Variants in RAB2A observed in about 807,000 individuals in gnomAD.
RAB2A encodes ras-related protein Rab-2A.
Under a neutral mutation model 32.5 loss-of-function variants are expected in RAB2A, and 7 were observed. The observed-to-expected ratio is 0.22, with a 90% confidence interval of 0.12 to 0.40. The LOEUF (loss-of-function observed/expected upper bound fraction) is 0.40, where lower values mean the gene tolerates loss of function less well. RAB2A is among the 10% of genes least tolerant of loss of function. The pLI is 1.00. For synonymous variants in RAB2A, 79 were observed against 85.2 expected (o/e 0.93, Z 0.40); for missense variants, 108 against 260.7 (o/e 0.41, Z 4.03).
chr8:60,607,537 G>A (rs1254018878), intron 6 of RAB2A, among the ~76,000 whole-genome samples: 10 of 150,766 alleles, frequency 6.6e-5, no homozygotes, highest in Admixed American at 4.6e-4. Context: ...TCGGCCTCCC[G>A]AAGTGCTGGG....
intron 3 of RAB2A, among the ~76,000 whole-genome samples, chr8:60,579,089 C>G (rs1207325532): frequency 1.3e-5 from 2 of 152,206 alleles, no homozygotes; most frequent in Admixed American, 6.5e-5. Flanking sequence ...GTCACCCAGG[C>G]TAGAGTGCAG....
chr8:60,552,622 T>G (rs901541253), intron 1 of RAB2A: 1 of 152,206 alleles, frequency 6.6e-6, no homozygotes, highest in Admixed American at 6.5e-5. Context: ...TCAAGGCCAA[T>G]TAGTAGAGTT....
Position 60,620,683 on chromosome 8 carries a change from A to G in RAB2A, c.553A>G (p.Ile185Val), listed in dbSNP as rs963087918. ...TTCTCTTTTATTTCAGGCAAATGGC[A>G]TTAAAATTGGCCCTCAGCATGCTGC... is the stretch of plus-strand genomic sequence containing the variant. ...VFDINNEANGIKIGPQHAATN... is the reference protein window; with the variant it reads ...VFDINNEANGVKIGPQHAATN... The change falls in exon 8 of 8, where the codon ATT becomes GTT. Residue 185 changes from isoleucine (I) to valine (V), a missense_variant. Coordinates refer to ENST00000262646, the MANE Select transcript of RAB2A (RefSeq NM_002865.3). 6.2e-7 allele frequency: 1 copy of G among 1,612,816 alleles called. No individual in the cohort carries two copies. Among genetic ancestry groups the G allele is most frequent in the African/African-American group, 1.3e-5 (1 of 74,876 alleles).
intron 6 of RAB2A, among the ~76,000 whole-genome samples, chr8:60,598,099 A>C (rs13267765): frequency 0.24 from 36,049 of 152,092 alleles, 4,329 homozygotes; most frequent in Middle Eastern, 0.39. Context: ...TCGGGAGGCT[A>C]AGGCAGGAAA....
chr8:60,610,864 T>C (rs1424849810), intron 6 of RAB2A, among the ~76,000 whole-genome samples: 3 of 152,218 alleles, frequency 2.0e-5, no homozygotes, highest in Admixed American at 1.3e-4. Flanking sequence ...TGCACAATTA[T>C]ATAGATCGCC....
intron 6 of RAB2A, among the ~76,000 whole-genome samples, chr8:60,610,982 C>T (rs192704790): frequency 6.6e-6 from 1 of 152,190 alleles, no homozygotes; most frequent in African/African-American, 2.4e-5. Flanking sequence ...TAATTTATCT[C>T]AATTCATGGT....
intron 1 of RAB2A, among the ~76,000 whole-genome samples, chr8:60,545,630 T>A (rs1403161647): frequency 6.6e-6 from 1 of 152,200 alleles, no homozygotes; most frequent in African/African-American, 2.4e-5. Flanking sequence ...CCTCATTGAC[T>A]TGGTATTTAA....
At chr8:60,519,529 A>G (rs1807268944) in intron 1 of RAB2A, among the ~76,000 whole-genome samples, 1 of 152,184 alleles carries the variant, frequency 6.6e-6, no homozygotes, top group Admixed American at 6.5e-5. Flanking sequence ...TATTGTGTGA[A>G]GATTTTCACA....
Position 60,620,662 on chromosome 8 carries a change from CT to C in RAB2A, c.544-8del. 6.3e-7 allele frequency: 1 copy of C among 1,590,652 alleles called. No individual in the cohort carries two copies. The highest frequency in any genetic ancestry group is 8.6e-7 in the Non-Finnish European group (1 of 1,160,176). On this transcript the variant is annotated splice_polypyrimidine_tract_variant and intron_variant, in intron 7 of 7. Transcript: ENST00000262646. Reference sequence around the variant, plus strand: ...CTGGTCATATTTATTGTTCTGTTCTCTTTTATTTCAGGCAAATGGCATTAAA... The same window carrying C: ...CTGGTCATATTTATTGTTCTGTTCTCTTTATTTCAGGCAAATGGCATTAAA...
chr8:60,566,338 T>C (rs1033290291), intron 2 of RAB2A, among the ~76,000 whole-genome samples: 5 of 152,244 alleles, frequency 3.3e-5, no homozygotes, highest in Non-Finnish European at 1.5e-5. Context: ...TTTTTCGTTC[T>C]TTTTTAGTGA....
intron 2 of RAB2A, among the ~76,000 whole-genome samples, chr8:60,566,645 A>G (rs952722258): frequency 6.6e-6 from 1 of 152,022 alleles, no homozygotes; most frequent in African/African-American, 2.4e-5. Flanking sequence ...GTACATGTGC[A>G]TGTTTGTTAC....
At position 60,603,240 on chromosome 8, in the gene RAB2A, A is replaced by C. The variant is rs186952424; in HGVS notation, c.474+11271A>C. Among the ~76,000 whole-genome samples the C allele has an allele frequency of 1.5e-3, 225 of 152,348 alleles. 1 individual carries two copies. The highest frequency in any genetic ancestry group is 3.4e-3 in the Middle Eastern group (1 of 294). On this transcript the variant is annotated intron_variant, in intron 6 of 7. Transcript: ENST00000262646. ...TGTTAAGATTAAATATAAATGGCACATTGATGATGTTTAGAATTGGACCTG... is the reference window on the plus strand; with the variant it reads ...TGTTAAGATTAAATATAAATGGCACCTTGATGATGTTTAGAATTGGACCTG...
intron 6 of RAB2A, among the ~76,000 whole-genome samples, chr8:60,593,208 T>G (rs889649596): frequency 5.3e-5 from 8 of 152,210 alleles, no homozygotes; most frequent in African/African-American, 1.7e-4. Context: ...CCAGGTGATT[T>G]CATCGTCACG....
chr8:60,543,987 G>A (rs768847638), intron 1 of RAB2A, among the ~76,000 whole-genome samples: 2 of 150,558 alleles, frequency 1.3e-5, no homozygotes, highest in African/African-American at 4.9e-5. Flanking sequence ...ACTTGAACTC[G>A]GTGGGTGGAG....
intron 6 of RAB2A, among the ~76,000 whole-genome samples, chr8:60,603,954 G>A (rs896433696): frequency 2.0e-5 from 3 of 152,178 alleles, no homozygotes; most frequent in Admixed American, 2.0e-4. Context: ...GATAGGGTTT[G>A]GATCTGTGTC....
intron 1 of RAB2A, among the ~76,000 whole-genome samples, chr8:60,550,534 C>T (rs575335163): frequency 6.6e-6 from 1 of 152,058 alleles, no homozygotes; most frequent in East Asian, 1.9e-4. Flanking sequence ...AGGTGTGCAC[C>T]ACCATGCCTG....
intron 1 of RAB2A, among the ~76,000 whole-genome samples, chr8:60,540,432 T>C (rs1227936884): frequency 6.6e-6 from 1 of 152,076 alleles, no homozygotes; most frequent in Non-Finnish European, 1.5e-5. Flanking sequence ...TCAGACACTT[T>C]TCCATTTCTG....
At chr8:60,520,300 T>C (rs1807281817) in intron 1 of RAB2A, among the ~76,000 whole-genome samples, 1 of 152,244 alleles carries the variant, frequency 6.6e-6, no homozygotes, top group South Asian at 2.1e-4. Context: ...GCTTTAAATT[T>C]TTTCCTTGTT....
At chr8:60,562,960 C>A (rs1808046639) in intron 2 of RAB2A, among the ~76,000 whole-genome samples, 1 of 151,680 alleles carries the variant, frequency 6.6e-6, no homozygotes, top group South Asian at 2.1e-4. Flanking sequence ...CTTCATTGGC[C>A]CAAGGCCTAC....
Sources: gnomAD v4.1 joint callset for allele counts (sites outside exome capture counted in the v4.1 genomes callset) on GRCh38, gnomAD v4.1.1 for gene constraint, MANE v1.5 for transcripts, NCBI Gene and HGNC (gene_info 2026-07-23, HGNC 2026-07-21) for gene names.